The following GABRG2 variants were observed in gnomAD, a reference collection of about 807,000 sequenced individuals.
GABRG2 encodes the protein gamma-aminobutyric acid type A receptor subunit gamma2.
GABRG2 carries 16 observed loss-of-function variants against 56.4 expected under a neutral mutation model. The ratio of observed to expected loss-of-function variants is 0.28; its 90% CI spans 0.19 to 0.43. The LOEUF is 0.43. Among genes scored for constraint, GABRG2 ranks in the 20% least tolerant of loss-of-function variants. The probability of loss-of-function intolerance (pLI) is 1.00; values close to 1 mark genes in which losing one functional copy is unlikely to be tolerated. For missense variants in GABRG2, 327 were observed against 582.7 expected (o/e 0.56, Z 4.52); for synonymous variants, 208 against 205.5 (o/e 1.01, Z -0.10).
chr5:162,120,391 T>C (rs1762904086), intron 6 of GABRG2, among the ~76,000 whole-genome samples: 1 of 152,144 alleles, frequency 6.6e-6, no homozygotes, highest in African/African-American at 2.4e-5. Context: ...AAAGGGAATA[T>C]TAAGCTCTTT....
At chr5:162,084,644 G>A (rs11958269) in intron 1 of GABRG2, among the ~76,000 whole-genome samples, 1,957 of 151,890 alleles carry the variant, frequency 0.013, 55 homozygotes, top group African/African-American at 0.045. Context: ...ACTAGCCTAT[G>A]TCTTATTTTG....
chr5:162,147,451 G>A (rs1328651681), intron 7 of GABRG2, among the ~76,000 whole-genome samples: 4 of 151,498 alleles, frequency 2.6e-5, no homozygotes, highest in Non-Finnish European at 4.4e-5. Flanking sequence ...TGCAACCCCC[G>A]CCTCCCGTGT....
intron 4 of GABRG2, chr5:162,098,991 C>T (rs1761209762): frequency 6.6e-6 from 1 of 151,788 alleles, no homozygotes; most frequent in African/African-American, 2.4e-5. Context: ...TAACATAGAG[C>T]CTGATATATA....
At chr5:162,133,273 A>G (rs551136809) in intron 6 of GABRG2, among the ~76,000 whole-genome samples, 1 of 152,254 alleles carries the variant, frequency 6.6e-6, no homozygotes, top group East Asian at 1.9e-4. Flanking sequence ...AAGATGACAA[A>G]ACACTTTGCC....
At chr5:162,112,286 G>C (rs151130987) in intron 6 of GABRG2, among the ~76,000 whole-genome samples, 1 of 151,532 alleles carries the variant, frequency 6.6e-6, no homozygotes, top group Non-Finnish European at 1.5e-5. Context: ...CAAGTTGTTG[G>C]TATTTTCTAA....
chr5:162,072,024 G>T (rs1758714052), intron 1 of GABRG2, among the ~76,000 whole-genome samples: 1 of 151,904 alleles, frequency 6.6e-6, no homozygotes, highest in African/African-American at 2.4e-5. Context: ...GTAGGCAGAA[G>T]TTGAAAATTG....
At chr5:162,106,348 C>A (rs1046459456) in intron 6 of GABRG2, among the ~76,000 whole-genome samples, 1 of 152,092 alleles carries the variant, frequency 6.6e-6, no homozygotes, top group Admixed American at 6.6e-5. Flanking sequence ...CACTCCTCAC[C>A]CTGCTGGTTT....
At chr5:162,151,610 C>T in intron 8 of GABRG2, 120 bp from the exon 9 acceptor site, 1 of 835,580 alleles carries the variant, frequency 1.2e-6, no homozygotes, top group African/African-American at 1.7e-5. Flanking sequence ...CAGTTCATTT[C>T]ACTTACTGTG....
intron 9 of GABRG2, 162 bp downstream of exon 9, chr5:162,151,915 A>G: frequency 1.6e-6 from 1 of 606,894 alleles, no homozygotes. Context: ...TGATTCAGCA[A>G]CTATACACTA....
chr5:162,135,707 A>G (rs949482263), intron 6 of GABRG2, among the ~76,000 whole-genome samples: 2 of 152,174 alleles, frequency 1.3e-5, no homozygotes, highest in Non-Finnish European at 2.9e-5. Flanking sequence ...TGAAAAATAA[A>G]TGGAGTTAAG....
chr5:162,073,472 T>C (rs1009984340), intron 1 of GABRG2, among the ~76,000 whole-genome samples: 3 of 151,928 alleles, frequency 2.0e-5, no homozygotes, highest in Non-Finnish European at 2.9e-5. Context: ...AGCAAATCTA[T>C]AGGAAACTTG....
At chr5:162,097,922 C>A in intron 4 of GABRG2, 64 bp downstream of exon 4, 6 of 1,383,326 alleles carry the variant, frequency 4.3e-6, no homozygotes, top group Non-Finnish European at 6.1e-6. Flanking sequence ...CAAAAATCAA[C>A]CTTAAGTCTC....
intron 8 of GABRG2, chr5:162,149,689 C>G (rs935340806): frequency 3.8e-6 from 2 of 528,332 alleles, no homozygotes; most frequent in Non-Finnish European, 7.3e-6. Context: ...TCTCGGCTTA[C>G]TGCAACCTCT....
rs113385307 is a variant in GABRG2, at chr5:162,077,241, T to C, written c.107+9135T>C. ...TCACCATAGATTTATATTTTTCTGT[T>C]GCACAACTTCATAATAATGAAATTA... is the stretch of plus-strand genomic sequence containing the variant. On this transcript the variant is annotated intron_variant, in intron 1 of 9. Coordinates refer to ENST00000639213, the MANE Select transcript of GABRG2 (RefSeq NM_198904.4). Among the ~76,000 whole-genome samples, 48 of 152,268 alleles carry C rather than the reference T, an allele frequency of 3.2e-4. 1 individual carries two copies. The highest frequency in any genetic ancestry group is 1.1e-3 in the African/African-American group (45 of 41,546).
intron 1 of GABRG2, among the ~76,000 whole-genome samples, chr5:162,071,640 C>T (rs1369324332): frequency 6.6e-6 from 1 of 151,910 alleles, no homozygotes; most frequent in Non-Finnish European, 1.5e-5. Context: ...CTTTAACTGG[C>T]TAGGACTATG....
At chr5:162,129,643 A>T (rs962962710) in intron 6 of GABRG2, among the ~76,000 whole-genome samples, 1 of 151,952 alleles carries the variant, frequency 6.6e-6, no homozygotes, top group Admixed American at 6.6e-5. Context: ...AACAGACCGG[A>T]CAAGTAAAGT....
chr5:162,097,233 G>A (rs1370467598), intron 3 of GABRG2, among the ~76,000 whole-genome samples: 1 of 152,162 alleles, frequency 6.6e-6, no homozygotes, highest in Non-Finnish European at 1.5e-5. Flanking sequence ...GCAGGATTGA[G>A]TATGGGTTTG....
intron 1 of GABRG2, among the ~76,000 whole-genome samples, chr5:162,081,992 C>A (rs1759702157): frequency 6.6e-6 from 1 of 151,806 alleles, no homozygotes; most frequent in African/African-American, 2.4e-5. Context: ...AGTTTTTTCC[C>A]AGAAATGCTT....
intron 7 of GABRG2, among the ~76,000 whole-genome samples, chr5:162,145,210 G>A (rs746095489): frequency 6.6e-6 from 1 of 152,188 alleles, no homozygotes; most frequent in Non-Finnish European, 1.5e-5. Flanking sequence ...CAGAGTCCTA[G>A]AGTATGGGCA....
Sources: allele counts gnomAD v4.1 joint callset (sites outside exome capture counted in the v4.1 genomes callset), GRCh38; gene constraint gnomAD v4.1.1; transcripts MANE v1.5; gene names NCBI Gene and HGNC (gene_info 2026-07-23, HGNC 2026-07-21).